ANKFN1: variants seen among roughly 807,000 people sequenced by gnomAD.
The protein encoded by ANKFN1 is ankyrin repeat and fibronectin type-III domain-containing protein 1.
In ANKFN1, 74 loss-of-function variants were observed where a neutral mutation model predicts 108.7. The ratio of observed to expected loss-of-function variants is 0.68; its 90% CI spans 0.56 to 0.83. The LOEUF (loss-of-function observed/expected upper bound fraction) is 0.83. Among genes scored for constraint, ANKFN1 ranks in the 40% least tolerant of loss-of-function variants. ANKFN1 has a pLI of 0.00. For missense variants in ANKFN1, 1,505 were observed against 1,382.3 expected (o/e 1.09, Z -1.41); for synonymous variants, 547 against 516.2 (o/e 1.06, Z -0.81).
chr17:56,236,732 TG>T (rs1231520479), intron 3 of ANKFN1, among the ~76,000 whole-genome samples: 1 of 152,068 alleles, frequency 6.6e-6, no homozygotes, highest in East Asian at 1.9e-4. Context: ...ACTATTAGGT[TG>T]GTGCAAAAGT....
Position 56,334,672 on chromosome 17 carries a change from G to T in ANKFN1, c.188+8317G>T, listed in dbSNP as rs984778797. ...TAATTATGAGGAAATTGAGGTTCAG[G>T]GAAGCTAAATAAGTTGCTCAAGGTC... On this transcript the variant is annotated intron_variant, in intron 4 of 20. Coordinates refer to ENST00000682825, the MANE Select transcript of ANKFN1 (RefSeq NM_001370326.1). 2.0e-5 allele frequency among the ~76,000 whole-genome samples: 3 copies of T among 151,940 alleles called. No individual in the cohort carries two copies. The South Asian group carries it at 6.2e-4, about 32-fold the overall frequency.
intron 1 of ANKFN1, among the ~76,000 whole-genome samples, chr17:56,177,510 T>A (rs1167843157): frequency 1.3e-5 from 2 of 152,222 alleles, no homozygotes; most frequent in East Asian, 3.9e-4. Context: ...TACAAGGGAA[T>A]ATTTTTCATA....
chr17:56,269,943 C>T (rs574484883), intron 3 of ANKFN1, among the ~76,000 whole-genome samples: 11 of 152,202 alleles, frequency 7.2e-5, no homozygotes, highest in Middle Eastern at 3.2e-3. Context: ...AGACATCCAA[C>T]GCACATGTTT....
intron 4 of ANKFN1, among the ~76,000 whole-genome samples, chr17:56,346,330 C>T (rs2046098977): frequency 6.6e-6 from 1 of 152,074 alleles, no homozygotes; most frequent in Non-Finnish European, 1.5e-5. Flanking sequence ...CATGATGCCG[C>T]CAGCTTTGTT....
At chr17:56,153,383 C>T, upstream of ANKFN1, 1 of 1,198,656 alleles carries the variant, frequency 8.3e-7, no homozygotes, top group South Asian at 1.3e-5. Flanking sequence ...GGAGAGGCAG[C>T]CATGCTCAGT....
chr17:56,315,875 G>C (rs1162372701), intron 3 of ANKFN1, among the ~76,000 whole-genome samples: 1 of 152,172 alleles, frequency 6.6e-6, no homozygotes, highest in Non-Finnish European at 1.5e-5. Flanking sequence ...GAGAAGATGG[G>C]AATAATAGAG....
In ANKFN1 at chr17:56,512,876, A is replaced by T. The variant is rs2051814785; in HGVS notation, c.*1607A>T. Among the ~76,000 whole-genome samples, 1 of 152,178 alleles carries T rather than the reference A, an allele frequency of 6.6e-6. No homozygotes were observed. Among genetic ancestry groups the T allele is most frequent in the African/African-American group, 2.4e-5 (1 of 41,448 alleles). On this transcript the variant is annotated 3_prime_UTR_variant, in exon 21 of 21. Transcript: ENST00000682825. ...AACTAAAGCCCAGAGCTCAGACTTTATTTTTTTAAGAGATTTTATACTCAA... is the reference window on the plus strand; with the variant it reads ...AACTAAAGCCCAGAGCTCAGACTTTTTTTTTTTAAGAGATTTTATACTCAA...
chr17:56,125,094 C>T (rs1459980266), intron 4 of ANKFN1, among the ~76,000 whole-genome samples: 1 of 152,224 alleles, frequency 6.6e-6, no homozygotes, highest in Non-Finnish European at 1.5e-5. Flanking sequence ...TTCCTAATCA[C>T]CTCAACTTAC....
rs971560890 is a variant in ANKFN1, at chr17:56,351,727, C to T, written c.390+760C>T. Among the ~76,000 whole-genome samples, 6 of 152,038 alleles carry T rather than the reference C, an allele frequency of 3.9e-5. No homozygotes were observed. In the South Asian group the frequency reaches 6.2e-4, roughly 16 times the overall value. The stretch of plus-strand genomic sequence containing the variant: ...TAGTGAGTTATGTAATAGAGAATGG[C>T]GTAAATAGTGGAACTCATGATGTTA... On this transcript the variant is annotated intron_variant, in intron 5 of 20. Coordinates refer to ENST00000682825, the MANE Select transcript of ANKFN1 (RefSeq NM_001370326.1).
At chr17:56,122,439 C>T (rs1311249975) in intron 4 of ANKFN1, among the ~76,000 whole-genome samples, 1 of 152,174 alleles carries the variant, frequency 6.6e-6, no homozygotes, top group African/African-American at 2.4e-5. Flanking sequence ...CTTGCTCTCT[C>T]AGCTGCAGTT....
intron 3 of ANKFN1, among the ~76,000 whole-genome samples, chr17:56,268,573 C>T (rs1490647724): frequency 1.3e-5 from 2 of 152,076 alleles, no homozygotes; most frequent in African/African-American, 4.8e-5. Flanking sequence ...AAGGAAATAA[C>T]CAAAATCAGA....
intron 1 of ANKFN1, among the ~76,000 whole-genome samples, chr17:56,169,493 C>T (rs1055310352): frequency 2.6e-5 from 4 of 152,120 alleles, no homozygotes; most frequent in Non-Finnish European, 4.4e-5. Flanking sequence ...TGGTTTCCAA[C>T]TTTTGGCCTC....
intron 8 of ANKFN1, among the ~76,000 whole-genome samples, chr17:56,419,095 G>T (rs1348113119): frequency 6.6e-6 from 1 of 152,164 alleles, no homozygotes; most frequent in Non-Finnish European, 1.5e-5. Context: ...CAACTCATCA[G>T]GTCAGAATCT....
intron 4 of ANKFN1, among the ~76,000 whole-genome samples, chr17:56,340,616 T>A (rs2045935796): frequency 6.6e-6 from 1 of 152,108 alleles, no homozygotes; most frequent in South Asian, 2.1e-4. Context: ...TAGTTGTAGG[T>A]GCACAGTCTT....
At chr17:56,211,348 G>T (rs1337719312) in intron 1 of ANKFN1, among the ~76,000 whole-genome samples, 1 of 152,058 alleles carries the variant, frequency 6.6e-6, no homozygotes, top group Non-Finnish European at 1.5e-5. Context: ...AGCACCATTT[G>T]TTGAATAGGG....
intron 15 of ANKFN1, among the ~76,000 whole-genome samples, chr17:56,467,814 GAA>G (rs879924962): frequency 2.4e-5 from 1 of 40,838 alleles, no homozygotes; most frequent in Non-Finnish European, 4.3e-5. Context: ...AAGAAAGAAA[GAA>G]AGAAAGAAAG....
intron 1 of ANKFN1, among the ~76,000 whole-genome samples, chr17:56,185,954 C>A (rs1309714618): frequency 3.3e-5 from 5 of 152,046 alleles, no homozygotes; most frequent in Admixed American, 3.3e-4. Flanking sequence ...AGCAATAGAC[C>A]CATTAGTTTG....
At chr17:56,214,077 T>C (rs1915243525) in intron 2 of ANKFN1, among the ~76,000 whole-genome samples, 1 of 152,224 alleles carries the variant, frequency 6.6e-6, no homozygotes, top group Non-Finnish European at 1.5e-5. Context: ...TAAAACATTT[T>C]AGTATTAACA....
intron 3 of ANKFN1, among the ~76,000 whole-genome samples, chr17:56,306,211 GA>G (rs1180949008): frequency 3.3e-5 from 5 of 152,198 alleles, no homozygotes; most frequent in African/African-American, 1.2e-4. Context: ...GAGAGTTTAA[GA>G]AGAATTGTAT....
Sources: gnomAD v4.1 joint callset for allele counts (sites outside exome capture counted in the v4.1 genomes callset) on GRCh38, gnomAD v4.1.1 for gene constraint, MANE v1.5 for transcripts, NCBI Gene and HGNC (gene_info 2026-07-23, HGNC 2026-07-21) for gene names.